The following CEP70 variants were observed in gnomAD, a reference collection of about 807,000 sequenced individuals.
CEP70 encodes the protein centrosomal protein 70.
A neutral mutation model predicts 90.9 loss-of-function variants in CEP70; 70 were observed. The ratio of observed to expected loss-of-function variants is 0.77; its 90% confidence interval spans 0.64 to 0.94. The LOEUF is 0.94. CEP70 is among the 40% of genes least tolerant of loss of function. The probability of loss-of-function intolerance (pLI) is 0.00; values close to 1 mark genes in which losing one functional copy is unlikely to be tolerated. For synonymous variants in CEP70, 220 were observed against 228.3 expected, an observed-to-expected ratio of 0.96 and a Z score of 0.33; for missense variants, 648 against 669.0, an observed-to-expected ratio of 0.97 and a Z score of 0.35.
At chr3:138,497,672 G>A in intron 17 of CEP70, 2 of 981,164 alleles carry the variant, frequency 2.0e-6, no homozygotes, top group Non-Finnish European at 2.4e-6. Flanking sequence ...GTAGATAGGT[G>A]GTATCTTAAG....
chr3:138,589,429 T>A (rs932995282), intron 2 of CEP70, among the ~76,000 whole-genome samples: 3 of 147,162 alleles, frequency 2.0e-5, no homozygotes, highest in African/African-American at 7.5e-5. Context: ...CTGAGGCAGG[T>A]GGATCACTTG....
At position 138,544,537 on chromosome 3, in the gene CEP70, A is replaced by G. The variant is rs186573596; in HGVS notation, c.466-7190T>C. Among the ~76,000 whole-genome samples the G allele has an allele frequency of 4.2e-4, 63 of 149,272 alleles. 1 individual carries two copies. Among genetic ancestry groups the G allele is most frequent in the East Asian group, 3.3e-3 (17 of 5,160 alleles). On this transcript the variant is annotated intron_variant, in intron 6 of 17. Coordinates refer to ENST00000264982, the MANE Select transcript of CEP70 (RefSeq NM_024491.4). ...TATGTATGTATGTATGTATGTATGTATGTGTGTGTGTGTGTATATATATAC... is the reference window on the plus strand; with the variant it reads ...TATGTATGTATGTATGTATGTATGTGTGTGTGTGTGTGTGTATATATATAC...
At chr3:138,500,904 T>C (rs1168422993) in intron 13 of CEP70, 23 bp from the exon 14 acceptor site, 8 of 1,249,978 alleles carry the variant, frequency 6.4e-6, no homozygotes, top group East Asian at 5.2e-5. Context: ...AGAAACTATA[T>C]GGTATTATTG....
In CEP70 at chr3:138,571,495, T is replaced by A. The variant is rs913886979; in HGVS notation, c.70-139A>T. 4.9e-6 allele frequency: 3 copies of A among 618,108 alleles called. No homozygotes were observed. The African/African-American group carries it at 5.6e-5, about 12-fold the overall frequency. The allele number at this position is 618,108 out of a possible 1,614,324, so 38.3% of individuals were successfully genotyped here. On this transcript the variant is annotated intron_variant, in intron 3 of 17. Coordinates refer to ENST00000264982, the MANE Select transcript of CEP70 (RefSeq NM_024491.4). ...TATAAATGTTTATGCATATATAATA[T>A]CCAAAAAACACATTTATTGTTTCTA...
intron 6 of CEP70, among the ~76,000 whole-genome samples, chr3:138,552,357 C>T (rs139273777): frequency 6.6e-6 from 1 of 152,278 alleles, no homozygotes; most frequent in South Asian, 2.1e-4. Context: ...TTCTACCCAA[C>T]AACTGTAGAA....
At chr3:138,579,965 G>A (rs1195638803) in intron 2 of CEP70, among the ~76,000 whole-genome samples, 1 of 151,994 alleles carries the variant, frequency 6.6e-6, no homozygotes, top group African/African-American at 2.4e-5. Context: ...ACCTACTCTG[G>A]GCCAGAGGAG....
chr3:138,522,445 T>C (rs1389038760), intron 11 of CEP70, among the ~76,000 whole-genome samples: 1 of 152,036 alleles, frequency 6.6e-6, no homozygotes, highest in Non-Finnish European at 1.5e-5. Flanking sequence ...GCTGGTTTTT[T>C]GAAAAGATCA....
chr3:138,587,718 G>A (rs1306724467), intron 2 of CEP70, among the ~76,000 whole-genome samples: 1 of 152,122 alleles, frequency 6.6e-6, no homozygotes, highest in Non-Finnish European at 1.5e-5. Context: ...AGTTTAATCA[G>A]TGAGCTATGA....
chr3:138,528,108 A>G (rs1469463563), intron 10 of CEP70, among the ~76,000 whole-genome samples: 1 of 150,710 alleles, frequency 6.6e-6, no homozygotes, highest in East Asian at 1.9e-4. Context: ...ACAGTGACAC[A>G]ATCATGGCTC....
intron 6 of CEP70, among the ~76,000 whole-genome samples, chr3:138,558,226 G>A (rs567952313): frequency 1.2e-4 from 19 of 152,190 alleles, no homozygotes; most frequent in African/African-American, 3.6e-4. Context: ...TTAACTGGGC[G>A]TGCTGGTGCA....
At chr3:138,505,204 A>G in intron 13 of CEP70, 91 bp downstream of exon 13, 1 of 1,036,336 alleles carries the variant, frequency 9.6e-7, no homozygotes, top group Non-Finnish European at 1.3e-6. Flanking sequence ...ATTAAACCCT[A>G]TTTAATTTTT....
chr3:138,562,375 C>G (rs1054423300), intron 6 of CEP70, among the ~76,000 whole-genome samples: 4 of 152,028 alleles, frequency 2.6e-5, no homozygotes, highest in African/African-American at 9.7e-5. Context: ...AAAGATACTC[C>G]TTGAGAAGAG....
intron 6 of CEP70, among the ~76,000 whole-genome samples, chr3:138,549,436 T>C (rs998764547): frequency 6.6e-6 from 1 of 151,792 alleles, no homozygotes; most frequent in Non-Finnish European, 1.5e-5. Flanking sequence ...TATAACTTCC[T>C]GCTTTCCCCA....
rs2040172570 is a variant in CEP70 at position 138,558,342 on chromosome 3, GAGAC to G, written c.465+11972_465+11975del. On this transcript the variant is annotated intron_variant, in intron 6 of 17. Coordinates refer to ENST00000264982, the MANE Select transcript of CEP70 (RefSeq NM_024491.4). ...ATCACACCACTGCACTCCAGGCTGA[GAGAC>G]AGAGCAAGACTCCGTCTCAAAAAAG... Among the ~76,000 whole-genome samples, 4 of 152,172 alleles carry G rather than the reference GAGAC, an allele frequency of 2.6e-5. No homozygotes were observed. In the South Asian group the frequency reaches 8.3e-4, roughly 32 times the overall value.
In CEP70 at chr3:138,545,666, G is replaced by A. The variant is rs527785434; in HGVS notation, c.466-8319C>T. 4.6e-5 allele frequency among the ~76,000 whole-genome samples: 7 copies of A among 152,230 alleles called. No homozygotes were observed. In the East Asian group the frequency reaches 5.8e-4, roughly 13 times the overall value. ...TGGATGTACAAGTAGGAGAGATACC[G>A]CTGAATTCTTTTCCCAGCAAGGAAT... On this transcript the variant is annotated intron_variant, in intron 6 of 17. Coordinates refer to ENST00000264982, the MANE Select transcript of CEP70 (RefSeq NM_024491.4).
chr3:138,530,570 G>A, intron 8 of CEP70: 2 of 985,250 alleles, frequency 2.0e-6, no homozygotes, highest in Non-Finnish European at 1.2e-6. Flanking sequence ...AAGCAGAGAA[G>A]CTTTTGCCAC....
intron 2 of CEP70, among the ~76,000 whole-genome samples, chr3:138,582,664 T>A (rs1053167895): frequency 2.0e-5 from 3 of 151,658 alleles, no homozygotes; most frequent in African/African-American, 7.3e-5. Flanking sequence ...CTCGGGAGGC[T>A]GAGGCAGGAG....
At chr3:138,571,489 A>T (rs988132500) in intron 3 of CEP70, 133 bp from the exon 4 acceptor site, 3 of 632,324 alleles carry the variant, frequency 4.7e-6, no homozygotes. Context: ...TTATGCATAT[A>T]TAATATCCAA....
chr3:138,535,994 C>A lies in CEP70; in HGVS notation c.635+1184G>T, dbSNP rs559903092. On this transcript the variant is annotated intron_variant, in intron 7 of 17. Transcript: ENST00000264982. ...ATATATGTGTATATATGTGCATTATCTCTCAAATAATTATCAAAAAATCTA... is the reference window on the plus strand; with the variant it reads ...ATATATGTGTATATATGTGCATTATATCTCAAATAATTATCAAAAAATCTA... 3.3e-5 allele frequency among the ~76,000 whole-genome samples: 5 copies of A among 152,138 alleles called. No homozygotes were observed. In the South Asian group the frequency reaches 1.0e-3, roughly 32 times the overall value.
Sources: allele counts gnomAD v4.1 joint callset (sites outside exome capture counted in the v4.1 genomes callset), GRCh38; gene constraint gnomAD v4.1.1; transcripts MANE v1.5; gene names NCBI Gene and HGNC (gene_info 2026-07-23, HGNC 2026-07-21).